LCLAT1: variants seen among roughly 807,000 people sequenced by gnomAD.
The protein encoded by LCLAT1 is lysocardiolipin acyltransferase 1.
In LCLAT1, 11 loss-of-function variants were observed where a neutral mutation model predicts 30.7. The observed-to-expected ratio is 0.36, with a 90% confidence interval of 0.23 to 0.59. LCLAT1 has a LOEUF of 0.59. Among genes scored for constraint, LCLAT1 ranks in the 20% least tolerant of loss-of-function variants. LCLAT1 has a pLI of 0.77. For missense variants in LCLAT1, 402 were observed against 458.6 expected (o/e 0.88, Z 1.13); for synonymous variants, 155 against 151.3 (o/e 1.02, Z -0.18).
intron 5 of LCLAT1, among the ~76,000 whole-genome samples, chr2:30,578,576 G>T (rs565875880): frequency 5.3e-5 from 8 of 152,274 alleles, no homozygotes; most frequent in Admixed American, 5.2e-4. Context: ...GTGTTAGTCA[G>T]TGCCTTTTCT....
chr2:30,568,505 CTTTT>C (rs35285466), intron 5 of LCLAT1, among the ~76,000 whole-genome samples: 3 of 85,354 alleles, frequency 3.5e-5, no homozygotes, highest in African/African-American at 4.8e-5. Flanking sequence ...GTCTTTCTTT[CTTTT>C]TTTTTTTTTT....
At chr2:30,530,100 A>G (rs1685914085) in intron 2 of LCLAT1, among the ~76,000 whole-genome samples, 1 of 152,370 alleles carries the variant, frequency 6.6e-6, no homozygotes, top group East Asian at 1.9e-4. Context: ...TTTCTGTTAA[A>G]TAATACACAG....
chr2:30,615,361 G>A (rs2148510003), intron 5 of LCLAT1, among the ~76,000 whole-genome samples: 1 of 152,218 alleles, frequency 6.6e-6, no homozygotes, highest in East Asian at 1.9e-4. Flanking sequence ...GGTACGAGTT[G>A]TGCAAATTTC....
intron 2 of LCLAT1, among the ~76,000 whole-genome samples, chr2:30,529,303 G>C (rs1182373720): frequency 6.6e-6 from 1 of 152,180 alleles, no homozygotes; most frequent in East Asian, 1.9e-4. Context: ...TGTGCTAAAA[G>C]AGGCATAGCA....
chr2:30,546,910 A>G (rs568149385), intron 3 of LCLAT1, among the ~76,000 whole-genome samples: 1 of 152,092 alleles, frequency 6.6e-6, no homozygotes, highest in African/African-American at 2.4e-5. Context: ...CAAGAATAAG[A>G]TGAATGGATT....
intron 5 of LCLAT1, among the ~76,000 whole-genome samples, chr2:30,616,408 GTTTGT>G (rs1416523454): frequency 6.6e-6 from 1 of 152,130 alleles, no homozygotes; most frequent in South Asian, 2.1e-4. Flanking sequence ...GTGTGTATGT[GTTTGT>G]TTTGTTTGAT....
intron 5 of LCLAT1, among the ~76,000 whole-genome samples, chr2:30,632,759 A>G (rs1668829888): frequency 6.6e-6 from 1 of 152,210 alleles, no homozygotes. Context: ...TATTGTGTCC[A>G]TTTACAGCCA....
intron 3 of LCLAT1, among the ~76,000 whole-genome samples, chr2:30,549,813 A>G (rs1392141753): frequency 3.9e-5 from 6 of 152,252 alleles, no homozygotes; most frequent in Non-Finnish European, 7.3e-5. Context: ...TCATTTAAAA[A>G]ATATGGCTTT....
Position 30,448,205 on chromosome 2 carries a change from A to G in LCLAT1, c.-5+822A>G, listed in dbSNP as rs914769140. On this transcript the variant is annotated intron_variant, in intron 1 of 5. Coordinates refer to ENST00000379509, the MANE Select transcript of LCLAT1 (RefSeq NM_001002257.3). ...ATTGAAGTCACTTTAAGTCCAAGAA[A>G]AGTATTGAAGATATGTGTTGAAGGC... 7.2e-5 allele frequency among the ~76,000 whole-genome samples: 11 copies of G among 152,356 alleles called. No homozygotes were observed. The Middle Eastern group carries it at 0.014, about 188-fold the overall frequency.
chr2:30,602,650 T>C (rs1667242014), intron 5 of LCLAT1, among the ~76,000 whole-genome samples: 1 of 148,924 alleles, frequency 6.7e-6, no homozygotes, highest in South Asian at 2.2e-4. Context: ...TCCTTCCTAA[T>C]GACTTTTTTT....
chr2:30,582,095 A>G (rs1426028082), intron 5 of LCLAT1, among the ~76,000 whole-genome samples: 1 of 152,174 alleles, frequency 6.6e-6, no homozygotes, highest in Non-Finnish European at 1.5e-5. Context: ...TTTCCTCTAT[A>G]CTAGAGTGTA....
chr2:30,622,692 C>T (rs572388445), intron 5 of LCLAT1, among the ~76,000 whole-genome samples: 1 of 152,174 alleles, frequency 6.6e-6, no homozygotes, highest in Non-Finnish European at 1.5e-5. Context: ...TGGCTAGACC[C>T]AGAAAAGAAG....
chr2:30,588,909 C>A (rs893998359), intron 5 of LCLAT1, among the ~76,000 whole-genome samples: 1 of 152,014 alleles, frequency 6.6e-6, no homozygotes, highest in Admixed American at 6.6e-5. Flanking sequence ...CACTTTCTGC[C>A]CTAGTTTTAT....
intron 1 of LCLAT1, among the ~76,000 whole-genome samples, chr2:30,458,355 A>G (rs1681937174): frequency 6.6e-6 from 1 of 152,208 alleles, no homozygotes; most frequent in Admixed American, 6.5e-5. Flanking sequence ...CTTTAAAACA[A>G]TTTGGAGGGT....
intron 5 of LCLAT1, among the ~76,000 whole-genome samples, chr2:30,636,753 T>G (rs1476593483): frequency 6.6e-6 from 1 of 152,214 alleles, no homozygotes; most frequent in Admixed American, 6.5e-5. Flanking sequence ...TTCTCACCAT[T>G]TTGATACCAA....
intron 1 of LCLAT1, among the ~76,000 whole-genome samples, chr2:30,512,936 TAG>T (rs1462763079): frequency 2.0e-5 from 3 of 152,210 alleles, no homozygotes; most frequent in African/African-American, 7.2e-5. Flanking sequence ...TTCTGCGTGA[TAG>T]AGTTCTTGAA....
intron 5 of LCLAT1, among the ~76,000 whole-genome samples, chr2:30,608,316 T>A (rs1053075487): frequency 1.3e-5 from 2 of 150,904 alleles, no homozygotes; most frequent in Non-Finnish European, 3.0e-5. Flanking sequence ...AAAAAAAAAA[T>A]TTATAAGTTT....
chr2:30,521,510 T>C (rs1685474927), intron 1 of LCLAT1, among the ~76,000 whole-genome samples: 1 of 126,784 alleles, frequency 7.9e-6, no homozygotes, highest in Non-Finnish European at 1.7e-5. Context: ...TTTTTTTTTT[T>C]TTTTTTTTTT....
chr2:30,631,811 T>G (rs1344580963), intron 5 of LCLAT1, among the ~76,000 whole-genome samples: 1 of 152,190 alleles, frequency 6.6e-6, no homozygotes, highest in Non-Finnish European at 1.5e-5. Flanking sequence ...AGCTAGGCAC[T>G]TGGGGCTATT....
Sources: allele counts gnomAD v4.1 joint callset (sites outside exome capture counted in the v4.1 genomes callset), GRCh38; gene constraint gnomAD v4.1.1; transcripts MANE v1.5; gene names NCBI Gene and HGNC (gene_info 2026-07-23, HGNC 2026-07-21).